GRIN2B: variants seen among roughly 807,000 people sequenced by gnomAD.
The protein encoded by GRIN2B is glutamate receptor ionotropic, NMDA 2B.
Under a neutral mutation model 114.5 loss-of-function variants are expected in GRIN2B, and 5 were observed. The ratio of observed to expected loss-of-function variants is 0.04; its 90% CI spans 0.02 to 0.09. The LOEUF (loss-of-function observed/expected upper bound fraction) is 0.09. GRIN2B is among the 10% of genes least tolerant of loss of function. The pLI, the probability that GRIN2B is intolerant of heterozygous loss-of-function variation, is 1.00. For synonymous variants in GRIN2B, 787 were observed against 745.1 expected, an observed-to-expected ratio of 1.06 and a Z score of -0.92; for missense variants, 1,108 against 1,943.5, an observed-to-expected ratio of 0.57 and a Z score of 8.08.
chr12:13,922,925 T>C (rs1423687119), intron 2 of GRIN2B, among the ~76,000 whole-genome samples: 2 of 152,112 alleles, frequency 1.3e-5, no homozygotes, highest in Admixed American at 6.5e-5. Flanking sequence ...AAGCACAATA[T>C]CACAAAGACT....
Position 13,633,544 on chromosome 12 carries a change from A to G in GRIN2B, c.1126-16887T>C, listed in dbSNP as rs1805244. Among the ~76,000 whole-genome samples, 901 of 152,312 alleles carry G rather than the reference A, an allele frequency of 5.9e-3. 12 individuals carry two copies. The highest frequency in any genetic ancestry group is 7.6e-3 in the Non-Finnish European group (516 of 68,030). Reference sequence around the variant, plus strand: ...AGGGTAAAACTCATCCCCTTCTACAACAAAGATTTTAATATTTACCAGGTA... The same window carrying G: ...AGGGTAAAACTCATCCCCTTCTACAGCAAAGATTTTAATATTTACCAGGTA... On this transcript the variant is annotated intron_variant, in intron 5 of 13. Coordinates refer to ENST00000609686, the MANE Select transcript of GRIN2B (RefSeq NM_000834.5).
chr12:13,559,216 T>C lies in GRIN2B; in HGVS notation c.*3567A>G, dbSNP rs1948509484. 1 of 152,162 alleles carries C rather than the reference T, an allele frequency of 6.6e-6. No homozygotes were observed. Among genetic ancestry groups the C allele is most frequent in the South Asian group, 2.1e-4 (1 of 4,826 alleles). 9.4% of individuals were successfully genotyped at this position (152,162 alleles called of 1,614,324 possible). A position where few individuals can be genotyped will look rare whatever the true frequency, so the allele number is the denominator to read the frequency against. On this transcript the variant is annotated 3_prime_UTR_variant, in exon 14 of 14. Coordinates refer to ENST00000609686, the MANE Select transcript of GRIN2B (RefSeq NM_000834.5). ...TCTTTAAGTTTTCTTAAGCAGACCA[T>C]GAGTAACTTAGTCCCAGTGCAAATA...
intron 3 of GRIN2B, among the ~76,000 whole-genome samples, chr12:13,780,871 A>G (rs1054083914): frequency 4.0e-5 from 6 of 151,120 alleles, no homozygotes; most frequent in African/African-American, 1.2e-4. Flanking sequence ...AGATGTTTGC[A>G]TAGTTAAGTG....
rs563318697 is a variant in GRIN2B at position 13,756,034 on chromosome 12, T to C, written c.412-2119A>G. 7.2e-4 allele frequency among the ~76,000 whole-genome samples: 110 copies of C among 152,014 alleles called. 1 individual carries two copies. The highest frequency in any genetic ancestry group is 2.2e-3 in the African/African-American group (91 of 41,444). On this transcript the variant is annotated intron_variant, in intron 3 of 13. Transcript: ENST00000609686. ...AGAAATAAGTTTCTGTTCTTTTTTA[T>C]CCCCCCAGAGTCTCACTCTGTCACC... is the stretch of plus-strand genomic sequence containing the variant.
At chr12:13,645,497 C>T (rs1252793076) in intron 5 of GRIN2B, among the ~76,000 whole-genome samples, 1 of 152,038 alleles carries the variant, frequency 6.6e-6, no homozygotes, top group Non-Finnish European at 1.5e-5. Context: ...GAAGTGAGCA[C>T]ATGCTGTTGG....
chr12:13,544,246 G>GTCA lies in GRIN2B; in HGVS notation c.*18534_*18536dup, dbSNP rs1182660382. Reference sequence around the variant, plus strand: ...GTCCACTGAAACAGCTCTCTTCCAGGTCATCAATGGGATGACCTCCATGTT... The same window carrying GTCA: ...GTCCACTGAAACAGCTCTCTTCCAGGTCATCATCAATGGGATGACCTCCATGTT... On this transcript the variant is annotated 3_prime_UTR_variant, in exon 14 of 14. Coordinates refer to ENST00000609686, the MANE Select transcript of GRIN2B (RefSeq NM_000834.5). 2.6e-5 allele frequency: 4 copies of GTCA among 152,008 alleles called. No homozygotes were observed. The East Asian group carries it at 7.7e-4, about 29-fold the overall frequency. 9.4% of individuals were successfully genotyped at this position (152,008 alleles called of 1,614,324 possible).
chr12:13,975,139 C>T (rs1329662725), intron 2 of GRIN2B, among the ~76,000 whole-genome samples: 2 of 152,182 alleles, frequency 1.3e-5, no homozygotes, highest in African/African-American at 4.8e-5. Context: ...AAGTAGAATA[C>T]AAGCACAACT....
At chr12:13,630,591 C>T (rs1005523469) in intron 5 of GRIN2B, among the ~76,000 whole-genome samples, 3 of 152,140 alleles carry the variant, frequency 2.0e-5, no homozygotes, top group Non-Finnish European at 2.9e-5. Flanking sequence ...GACAACCAAA[C>T]GTAGAATGAG....
At chr12:13,942,153 A>G (rs2136837337) in intron 2 of GRIN2B, among the ~76,000 whole-genome samples, 1 of 152,210 alleles carries the variant, frequency 6.6e-6, no homozygotes, top group Non-Finnish European at 1.5e-5. Context: ...GAGATCACAG[A>G]CTTCATCGGG....
intron 10 of GRIN2B, among the ~76,000 whole-genome samples, chr12:13,601,587 G>T (rs1949162516): frequency 6.6e-6 from 1 of 151,500 alleles, no homozygotes; most frequent in East Asian, 1.9e-4. Context: ...CTATATCTTT[G>T]GGAGGATACA....
chr12:13,961,355 G>A (rs1163201790), intron 2 of GRIN2B, among the ~76,000 whole-genome samples: 1 of 152,072 alleles, frequency 6.6e-6, no homozygotes, highest in East Asian at 1.9e-4. Flanking sequence ...AGATCTTATG[G>A]GAGGGGTGAG....
intron 2 of GRIN2B, among the ~76,000 whole-genome samples, chr12:13,880,448 G>A (rs186784616): frequency 1.4e-4 from 22 of 152,256 alleles, no homozygotes; most frequent in African/African-American, 4.3e-4. Flanking sequence ...ATGGAAGATC[G>A]GGAGGAAGAG....
At chr12:13,679,509 T>C (rs976422746) in intron 4 of GRIN2B, among the ~76,000 whole-genome samples, 1 of 152,194 alleles carries the variant, frequency 6.6e-6, no homozygotes, top group Non-Finnish European at 1.5e-5. Context: ...TCATTTTATC[T>C]ACCTAAGCAC....
chr12:13,714,839 T>C (rs1950441965), intron 4 of GRIN2B, among the ~76,000 whole-genome samples: 1 of 152,042 alleles, frequency 6.6e-6, no homozygotes, highest in East Asian at 1.9e-4. Flanking sequence ...ATCTATCGCC[T>C]GAATAACATA....
Position 13,564,078 on chromosome 12 carries a change from C to G in GRIN2B, c.3160G>C (p.Asp1054His), listed in dbSNP as rs1948598214. Residue 1054 changes from aspartate to histidine, a missense_variant, in exon 14 of 14, where the codon GAC becomes CAC. Asp to His is a moderately conservative substitution (Grantham distance 81). Coordinates refer to ENST00000609686, the MANE Select transcript of GRIN2B (RefSeq NM_000834.5). The surrounding 1 kb of genome is among the most constrained non-coding windows in gnomAD (Gnocchi z 4.8). ...TCAGAGACATCGGAGCGGATCAAGT[C>G]GTCGTGGCCACTGTAGCGGTCGCTC... ...FKSDRYSGHD[D>H]LIRSDVSDIS... The G allele has an allele frequency of 6.2e-7, 1 of 1,614,044 alleles. No homozygotes were observed. The highest frequency in any genetic ancestry group is 1.7e-5 in the Admixed American group (1 of 60,006).
At chr12:13,851,178 C>T (rs1291050737) in intron 3 of GRIN2B, among the ~76,000 whole-genome samples, 1 of 152,190 alleles carries the variant, frequency 6.6e-6, no homozygotes. Context: ...CCCTTAACAA[C>T]CTGCACTCCC....
Position 13,765,254 on chromosome 12 carries a change from A to G in GRIN2B, c.412-11339T>C, listed in dbSNP as rs113965913. Among the ~76,000 whole-genome samples the G allele has an allele frequency of 1.5e-3, 226 of 152,360 alleles. 2 individuals carry two copies. Among genetic ancestry groups the G allele is most frequent in the African/African-American group, 5.3e-3 (219 of 41,586 alleles). On this transcript the variant is annotated intron_variant, in intron 3 of 13. Transcript: ENST00000609686. The stretch of plus-strand genomic sequence containing the variant: ...ACTAACCAGAGTACCCTGAGAACAC[A>G]TTAGTCCAGCTCATAGTAGGACCAC...
chr12:13,607,319 AAATATAT>A (rs1949277041), intron 10 of GRIN2B, among the ~76,000 whole-genome samples: 1 of 57,642 alleles, frequency 1.7e-5, no homozygotes, highest in Admixed American at 3.3e-4. Context: ...ATATAATATA[AAATATAT>A]AATATATATT....
chr12:13,728,086 C>T (rs2284412), intron 4 of GRIN2B, among the ~76,000 whole-genome samples: 50,672 of 152,030 alleles, frequency 0.33, 9,599 homozygotes, highest in East Asian at 0.58. Context: ...GGCAGAAACC[C>T]TGGTCTTTTA....
Sources: gnomAD v4.1 joint callset for allele counts (sites outside exome capture counted in the v4.1 genomes callset) on GRCh38, gnomAD v4.1.1 for gene constraint, Gnocchi (gnomAD v3.1) non-coding constraint, MANE v1.5 for transcripts, NCBI Gene and HGNC (gene_info 2026-07-23, HGNC 2026-07-21) for gene names.